Variants in LSAMP observed in about 807,000 individuals in gnomAD.
LSAMP encodes the protein limbic system associated membrane protein.
In LSAMP, 7 loss-of-function variants were observed where a neutral mutation model predicts 38.6. The observed-to-expected ratio is 0.18, with a 90% CI of 0.10 to 0.34. The LOEUF is 0.34. LSAMP is among the 10% of genes least tolerant of loss of function. The pLI is 1.00. For missense variants in LSAMP, 313 were observed against 420.0 expected (o/e 0.75, Z 2.23); for synonymous variants, 154 against 166.8 (o/e 0.92, Z 0.59).
chr3:116,093,827 A>T (rs1033428840), intron 1 of LSAMP, among the ~76,000 whole-genome samples: 3 of 152,180 alleles, frequency 2.0e-5, no homozygotes, highest in African/African-American at 7.2e-5. Flanking sequence ...TGTTATTTTG[A>T]TGCTGTTTGC....
At chr3:116,033,070 G>T (rs992014649) in intron 2 of LSAMP, among the ~76,000 whole-genome samples, 1 of 152,010 alleles carries the variant, frequency 6.6e-6, no homozygotes, top group South Asian at 2.1e-4. Flanking sequence ...CTGATTTTGA[G>T]GTATTTTTCT....
chr3:116,395,497 C>T (rs900224443), intron 1 of LSAMP, among the ~76,000 whole-genome samples: 4 of 152,214 alleles, frequency 2.6e-5, no homozygotes, highest in East Asian at 1.9e-4. Context: ...AAATGAAGTC[C>T]GGCTGTCTGG....
chr3:116,301,504 C>CAGGT (rs1408889536), intron 1 of LSAMP, among the ~76,000 whole-genome samples: 1 of 152,126 alleles, frequency 6.6e-6, no homozygotes, highest in Non-Finnish European at 1.5e-5. Flanking sequence ...ATCTGAAAAA[C>CAGGT]AGGTAGACTG....
At chr3:115,958,115 CAT>C (rs1247787783) in intron 3 of LSAMP, among the ~76,000 whole-genome samples, 1 of 152,100 alleles carries the variant, frequency 6.6e-6, no homozygotes, top group East Asian at 1.9e-4. Context: ...TACATACGCA[CAT>C]AGTTTGGCTC....
intron 1 of LSAMP, among the ~76,000 whole-genome samples, chr3:116,316,735 C>T (rs2047633656): frequency 7.3e-6 from 1 of 136,392 alleles, no homozygotes; most frequent in Admixed American, 8.1e-5. Context: ...CATGCCATTG[C>T]ACTCCAGCCT....
intron 1 of LSAMP, among the ~76,000 whole-genome samples, chr3:116,432,649 A>G (rs865947368): frequency 1.8e-4 from 27 of 152,118 alleles, no homozygotes; most frequent in African/African-American, 5.3e-4. Context: ...GCTATATTCA[A>G]AAACGTAAAG....
chr3:116,285,328 C>G (rs533153318), intron 1 of LSAMP, among the ~76,000 whole-genome samples: 1 of 152,242 alleles, frequency 6.6e-6, no homozygotes, highest in African/African-American at 2.4e-5. Flanking sequence ...CTTCAGGAAC[C>G]CCATCTCCCA....
At chr3:116,100,529 C>T (rs17697881) in intron 1 of LSAMP, among the ~76,000 whole-genome samples, 6,550 of 152,262 alleles carry the variant, frequency 0.043, 227 homozygotes, top group Non-Finnish European at 0.061. Flanking sequence ...TACTCTCCAT[C>T]GTCACTTCCA....
chr3:116,225,907 A>G (rs1318442300), intron 1 of LSAMP, among the ~76,000 whole-genome samples: 1 of 152,186 alleles, frequency 6.6e-6, no homozygotes, highest in Non-Finnish European at 1.5e-5. Flanking sequence ...TCCAACATCT[A>G]AAAGAAAAGC....
At chr3:116,208,047 G>T (rs1245170866) in intron 1 of LSAMP, among the ~76,000 whole-genome samples, 1 of 149,714 alleles carries the variant, frequency 6.7e-6, no homozygotes, top group Non-Finnish European at 1.5e-5. Context: ...CCAATCAGAC[G>T]TAGATTTGGT....
chr3:116,162,586 G>A (rs1175835485), intron 1 of LSAMP, among the ~76,000 whole-genome samples: 1 of 152,008 alleles, frequency 6.6e-6, no homozygotes, highest in Non-Finnish European at 1.5e-5. Context: ...AGGTGTGTGT[G>A]TGTGAATATG....
At chr3:115,983,615 T>C (rs1160115826) in intron 3 of LSAMP, among the ~76,000 whole-genome samples, 1 of 152,172 alleles carries the variant, frequency 6.6e-6, no homozygotes, top group African/African-American at 2.4e-5. Context: ...TTTCTGATAA[T>C]CACACATTGA....
chr3:116,440,999 T>C (rs567830335), intron 1 of LSAMP, among the ~76,000 whole-genome samples: 1 of 152,240 alleles, frequency 6.6e-6, no homozygotes, highest in African/African-American at 2.4e-5. Context: ...ACAAGATCTT[T>C]ATATTTCACT....
chr3:116,188,973 C>T (rs1710690740), intron 1 of LSAMP, among the ~76,000 whole-genome samples: 1 of 152,158 alleles, frequency 6.6e-6, no homozygotes, highest in Admixed American at 6.5e-5. Context: ...TTCATTAATG[C>T]AACAATTACT....
In LSAMP at chr3:115,900,747, A is replaced by G. The variant is rs574445744; in HGVS notation, c.515-48130T>C. On this transcript the variant is annotated intron_variant, in intron 3 of 6. Transcript: ENST00000490035. ...CTTCAGCATCAAGAGAAATGTTGAC[A>G]GTGAAAGAACAATGGTTAAATGGAG... is the stretch of plus-strand genomic sequence containing the variant. Among the ~76,000 whole-genome samples, 40 of 152,270 alleles carry G rather than the reference A, an allele frequency of 2.6e-4. 1 individual carries two copies. The South Asian group carries it at 8.3e-3, about 32-fold the overall frequency.
Position 116,000,467 on chromosome 3 carries a change from G to C in LSAMP, c.514+19048C>G, listed in dbSNP as rs150978826. 5.1e-3 allele frequency among the ~76,000 whole-genome samples: 772 copies of C among 152,282 alleles called. 5 individuals are homozygous for C. Among genetic ancestry groups the C allele is most frequent in the Non-Finnish European group, 7.0e-3 (473 of 68,028 alleles). On this transcript the variant is annotated intron_variant, in intron 3 of 6. Coordinates refer to ENST00000490035, the MANE Select transcript of LSAMP (RefSeq NM_002338.5). The stretch of plus-strand genomic sequence containing the variant: ...CAGCAGCTGTACCTCCTCAAACGCG[G>C]ATGGCCACCTCACTGTGTGTTTGAG...
At chr3:116,074,649 C>T (rs1303415671) in intron 2 of LSAMP, among the ~76,000 whole-genome samples, 2 of 152,122 alleles carry the variant, frequency 1.3e-5, no homozygotes, top group African/African-American at 4.8e-5. Flanking sequence ...AACTTGTCAA[C>T]TCTGGCTATC....
At chr3:116,311,327 A>G (rs2047554743) in intron 1 of LSAMP, among the ~76,000 whole-genome samples, 1 of 152,148 alleles carries the variant, frequency 6.6e-6, no homozygotes, top group South Asian at 2.1e-4. Context: ...TGAAATTAGT[A>G]GAGAATTTCA....
chr3:116,155,816 T>G (rs1709734411), intron 1 of LSAMP, among the ~76,000 whole-genome samples: 1 of 152,158 alleles, frequency 6.6e-6, no homozygotes, highest in Admixed American at 6.6e-5. Flanking sequence ...TTGATTTCAG[T>G]TGACTATCTT....
Sources: gnomAD v4.1 joint callset for allele counts (sites outside exome capture counted in the v4.1 genomes callset) on GRCh38, gnomAD v4.1.1 for gene constraint, MANE v1.5 for transcripts, NCBI Gene and HGNC (gene_info 2026-07-23, HGNC 2026-07-21) for gene names.